Variants in PDE4B observed in about 807,000 individuals in gnomAD.
PDE4B encodes the protein 3',5'-cyclic-AMP phosphodiesterase 4B.
A neutral mutation model predicts 82.2 loss-of-function variants in PDE4B; 20 were observed. The observed-to-expected ratio is 0.24, with a 90% confidence interval of 0.17 to 0.35. The LOEUF is 0.35. PDE4B is among the 10% of genes least tolerant of loss of function. PDE4B has a pLI of 1.00. For missense variants in PDE4B, 655 were observed against 907.2 expected, an observed-to-expected ratio of 0.72 and a Z score of 3.57; for synonymous variants, 320 against 318.9, an observed-to-expected ratio of 1.00 and a Z score of -0.04.
intron 1 of PDE4B, among the ~76,000 whole-genome samples, chr1:65,812,362 T>C (rs1645830530): frequency 6.6e-6 from 1 of 152,200 alleles, no homozygotes; most frequent in Non-Finnish European, 1.5e-5. Flanking sequence ...GGTATGGCCC[T>C]CCATGCTCTG....
At chr1:65,960,752 G>A (rs1217087072) in intron 3 of PDE4B, among the ~76,000 whole-genome samples, 1 of 152,148 alleles carries the variant, frequency 6.6e-6, no homozygotes, top group Non-Finnish European at 1.5e-5. Context: ...TTTGAGCAGT[G>A]TCTTCTGAGG....
intron 1 of PDE4B, among the ~76,000 whole-genome samples, chr1:65,804,851 C>T (rs945381694): frequency 2.6e-5 from 4 of 151,428 alleles, no homozygotes; most frequent in Non-Finnish European, 4.4e-5. Context: ...ACCCAGGGAC[C>T]TTAGAGTAGA....
At chr1:65,857,456 T>C (rs968525321) in intron 1 of PDE4B, among the ~76,000 whole-genome samples, 1 of 152,186 alleles carries the variant, frequency 6.6e-6, no homozygotes, top group African/African-American at 2.4e-5. Flanking sequence ...AGCCAGGGTC[T>C]TGTAGTTTCA....
intron 1 of PDE4B, among the ~76,000 whole-genome samples, chr1:65,872,429 G>A (rs1422038759): frequency 6.6e-6 from 1 of 151,976 alleles, no homozygotes; most frequent in Admixed American, 6.6e-5. Context: ...AGTTGACACT[G>A]GGCTCACTCT....
intron 4 of PDE4B, among the ~76,000 whole-genome samples, chr1:66,248,536 G>A (rs188841014): frequency 6.6e-6 from 1 of 152,278 alleles, no homozygotes; most frequent in East Asian, 1.9e-4. Context: ...AGGCATTTCT[G>A]CCAGCACATT....
intron 3 of PDE4B, 141 bp from the exon 4 acceptor site, chr1:66,247,319 G>A (rs1653391939): frequency 4.0e-6 from 2 of 505,380 alleles, no homozygotes; most frequent in Non-Finnish European, 7.1e-6. Context: ...GCTGTGTTGA[G>A]GATGAAAACT....
At chr1:66,035,031 T>G (rs1459955835) in intron 3 of PDE4B, among the ~76,000 whole-genome samples, 1 of 152,204 alleles carries the variant, frequency 6.6e-6, no homozygotes, top group Non-Finnish European at 1.5e-5. Context: ...CTCAACCTAC[T>G]TGGGTCCCTT....
intron 7 of PDE4B, among the ~76,000 whole-genome samples, chr1:66,321,829 G>T (rs1218779316): frequency 6.6e-6 from 1 of 152,050 alleles, no homozygotes; most frequent in Non-Finnish European, 1.5e-5. Flanking sequence ...CTACTTTAAA[G>T]CTCATATGGA....
intron 3 of PDE4B, among the ~76,000 whole-genome samples, chr1:66,015,105 T>G (rs1158306876): frequency 2.6e-5 from 4 of 152,208 alleles, no homozygotes; most frequent in African/African-American, 9.6e-5. Flanking sequence ...TATTTTGAGC[T>G]TAACTTTTGC....
At chr1:66,238,765 G>A (rs114454250) in intron 3 of PDE4B, among the ~76,000 whole-genome samples, 2,747 of 151,994 alleles carry the variant, frequency 0.018, 85 homozygotes, top group African/African-American at 0.064. Flanking sequence ...TGAAAACTAA[G>A]GGGGCGGGGA....
intron 1 of PDE4B, among the ~76,000 whole-genome samples, chr1:65,835,962 A>T (rs1017583524): frequency 2.0e-4 from 30 of 150,248 alleles, no homozygotes; most frequent in African/African-American, 6.4e-4. Flanking sequence ...TTTTTCCGAG[A>T]TGGAGTCTTG....
chr1:66,287,611 A>G (rs1557680315), intron 7 of PDE4B, among the ~76,000 whole-genome samples: 1 of 152,098 alleles, frequency 6.6e-6, no homozygotes, highest in Non-Finnish European at 1.5e-5. Context: ...CCTGGCAATC[A>G]TTAGCTCTGT....
intron 3 of PDE4B, among the ~76,000 whole-genome samples, chr1:66,155,053 C>T (rs567566665): frequency 1.1e-4 from 16 of 152,154 alleles, no homozygotes; most frequent in African/African-American, 3.4e-4. Context: ...CTCTTGAGCC[C>T]GGGAGGTTGA....
At chr1:66,005,572 T>C (rs557133484) in intron 3 of PDE4B, among the ~76,000 whole-genome samples, 20 of 152,300 alleles carry the variant, frequency 1.3e-4, no homozygotes, top group African/African-American at 4.8e-4. Context: ...GGATTCTATT[T>C]AAATGAATTG....
In PDE4B at chr1:66,254,716, C is replaced by T. The variant is rs538803682; in HGVS notation, c.477-2931C>T. 4.7e-4 allele frequency among the ~76,000 whole-genome samples: 71 copies of T among 152,282 alleles called. 1 individual carries two copies. The highest frequency in any genetic ancestry group is 7.5e-4 in the Non-Finnish European group (51 of 68,022). ...ACGGCTTCACTGTTTTCTCAGATAT[C>T]CATTTTTTAAATTGAAAATTATATT... On this transcript the variant is annotated intron_variant, in intron 4 of 16. Coordinates refer to ENST00000341517, the MANE Select transcript of PDE4B (RefSeq NM_002600.4).
chr1:66,005,279 C>T (rs185794031), intron 3 of PDE4B, among the ~76,000 whole-genome samples: 31 of 84,296 alleles, frequency 3.7e-4, no homozygotes, highest in Admixed American at 2.1e-3. Flanking sequence ...ATCTACCCCA[C>T]GGGTCTTTAT....
intron 1 of PDE4B, among the ~76,000 whole-genome samples, chr1:65,814,054 G>C (rs1407315910): frequency 6.6e-6 from 1 of 152,162 alleles, no homozygotes; most frequent in African/African-American, 2.4e-5. Context: ...TGAGCTTTGG[G>C]TATTACCCAG....
chr1:65,951,744 C>A (rs761988906), intron 3 of PDE4B, among the ~76,000 whole-genome samples: 1 of 152,020 alleles, frequency 6.6e-6, no homozygotes, highest in Non-Finnish European at 1.5e-5. Context: ...GCTCTTTCAC[C>A]TTTTACCTGT....
At chr1:66,112,256 A>C (rs1645504175) in intron 3 of PDE4B, among the ~76,000 whole-genome samples, 1 of 152,152 alleles carries the variant, frequency 6.6e-6, no homozygotes, top group Non-Finnish European at 1.5e-5. Flanking sequence ...ACTCTTCCAA[A>C]TTTAATGTTC....
Sources: gnomAD v4.1 joint callset for allele counts (sites outside exome capture counted in the v4.1 genomes callset) on GRCh38, gnomAD v4.1.1 for gene constraint, MANE v1.5 for transcripts, NCBI Gene and HGNC (gene_info 2026-07-23, HGNC 2026-07-21) for gene names.